XYLB: variants seen among roughly 807,000 people sequenced by gnomAD.
The protein encoded by XYLB is xylulose kinase.
XYLB carries 62 observed loss-of-function variants against 78.7 expected under a neutral mutation model. The ratio of observed to expected loss-of-function variants is 0.79; its 90% CI spans 0.64 to 0.97. XYLB has a LOEUF of 0.97. XYLB is among the 50% of genes least tolerant of loss of function. The probability of loss-of-function intolerance (pLI) is 0.00; values close to 1 mark genes in which losing one functional copy is unlikely to be tolerated. For missense variants in XYLB, 687 were observed against 676.8 expected (o/e 1.02, Z -0.17); for synonymous variants, 245 against 247.4 (o/e 0.99, Z 0.09).
intron 15 of XYLB, among the ~76,000 whole-genome samples, chr3:38,393,662 T>C (rs910307235): frequency 6.6e-6 from 1 of 152,200 alleles, no homozygotes; most frequent in Non-Finnish European, 1.5e-5. Flanking sequence ...TAATTTCTTC[T>C]TAGGCCTCTT....
Position 38,377,007 on chromosome 3 carries a change from G to C in XYLB, c.1194+16G>C. 3.7e-6 allele frequency: 6 copies of C among 1,609,520 alleles called. No homozygotes were observed. Among genetic ancestry groups the C allele is most frequent in the Admixed American group, 1.7e-5 (1 of 59,740 alleles). On this transcript the variant is annotated intron_variant, in intron 14 of 18. Transcript: ENST00000207870. ...AAACCACAAGGTACATGTGCTGTTG[G>C]TGTTGGAGTTACATTGGCTCCATTT...
downstream of XYLB, among the ~76,000 whole-genome samples, chr3:38,426,213 A>C (rs1236739263): frequency 6.6e-6 from 1 of 152,250 alleles, no homozygotes; most frequent in African/African-American, 2.4e-5. Context: ...GGAATTCCCA[A>C]ACTAATATAG....
At chr3:38,354,504 ATTT>A (rs547784678) in intron 2 of XYLB, among the ~76,000 whole-genome samples, 2 of 138,874 alleles carry the variant, frequency 1.4e-5, no homozygotes. Flanking sequence ...CAAATTGTTA[ATTT>A]TTTTTTTTTT....
intron 2 of XYLB, among the ~76,000 whole-genome samples, chr3:38,351,112 C>T (rs560045917): frequency 7.6e-5 from 10 of 131,096 alleles, no homozygotes; most frequent in African/African-American, 8.8e-5. Context: ...AGGGAGGTTT[C>T]GGTGAGCCAA....
chr3:38,445,526 G>A, the XYLB span, among the ~76,000 whole-genome samples: 1 of 152,212 alleles, frequency 6.6e-6, no homozygotes, highest in South Asian at 2.1e-4. Flanking sequence ...AGGAGGCAAG[G>A]GTCAGGATAG....
chr3:38,365,837 G>A (rs1223506634), intron 6 of XYLB, 101 bp downstream of exon 6: 3 of 1,442,172 alleles, frequency 2.1e-6, no homozygotes, highest in African/African-American at 1.4e-5. Context: ...GGTCATGGAG[G>A]TGTTGTGGAG....
At chr3:38,417,682 C>T (rs1007104580), downstream of XYLB, among the ~76,000 whole-genome samples, 3 of 151,980 alleles carry the variant, frequency 2.0e-5, no homozygotes, top group African/African-American at 7.2e-5. Context: ...GAGTTCAAGA[C>T]CAGCCTGGTC....
chr3:38,452,111 T>C, the XYLB span: 59 of 152,252 alleles, frequency 3.9e-4, no homozygotes, highest in Admixed American at 2.6e-4. Context: ...TCTATCACTG[T>C]GGCCTCCTGT....
chr3:38,397,823 CTT>C (rs71085321), intron 17 of XYLB, among the ~76,000 whole-genome samples: 5 of 138,616 alleles, frequency 3.6e-5, no homozygotes, highest in African/African-American at 2.6e-5. Context: ...TTTTTCTTTT[CTT>C]TTTTTTTTTT....
the XYLB span, among the ~76,000 whole-genome samples, chr3:38,439,338 C>T: frequency 1.3e-5 from 2 of 152,130 alleles, no homozygotes; most frequent in Admixed American, 6.5e-5. Flanking sequence ...TTGACAGCCT[C>T]GATCCTACAG....
the XYLB span, among the ~76,000 whole-genome samples, chr3:38,429,261 C>T: frequency 6.6e-6 from 1 of 152,142 alleles, no homozygotes; most frequent in Non-Finnish European, 1.5e-5. Flanking sequence ...CTTCCTTCTA[C>T]AGGTATTTAT....
At chr3:38,410,143 G>C (rs984892554) in intron 18 of XYLB, among the ~76,000 whole-genome samples, 2 of 152,124 alleles carry the variant, frequency 1.3e-5, no homozygotes, top group Non-Finnish European at 2.9e-5. Context: ...ATACTACAAG[G>C]CTACAGTAAT....
At chr3:38,357,532 A>G (rs1054646439) in intron 2 of XYLB, among the ~76,000 whole-genome samples, 4 of 151,802 alleles carry the variant, frequency 2.6e-5, no homozygotes, top group Non-Finnish European at 5.9e-5. Flanking sequence ...AACTACAGGC[A>G]CCCGCCACCA....
chr3:38,403,289 C>CA (rs35593230), intron 18 of XYLB, among the ~76,000 whole-genome samples: 59,533 of 126,300 alleles, frequency 0.47, 14,277 homozygotes, highest in Non-Finnish European at 0.6. Context: ...GACCCTGTCT[C>CA]AAAAAAAAAA....
downstream of XYLB, among the ~76,000 whole-genome samples, chr3:38,417,260 A>T (rs542058142): frequency 1.6e-4 from 25 of 152,082 alleles, no homozygotes; most frequent in Non-Finnish European, 2.9e-4. Context: ...ACATGGTGAA[A>T]CCCCATCTCT....
chr3:38,398,020 G>A (rs1330312161), intron 17 of XYLB, among the ~76,000 whole-genome samples: 1 of 151,174 alleles, frequency 6.6e-6, no homozygotes, highest in Non-Finnish European at 1.5e-5. Flanking sequence ...GGGTTTCACT[G>A]TGTTAGCCAG....
intron 15 of XYLB, among the ~76,000 whole-genome samples, chr3:38,389,598 G>A (rs138456180): frequency 1.1e-4 from 16 of 149,872 alleles, no homozygotes; most frequent in African/African-American, 3.0e-4. Context: ...CCTCCCTCCC[G>A]GACGGGGCGG....
downstream of XYLB, among the ~76,000 whole-genome samples, chr3:38,426,338 A>G (rs565759977): frequency 2.3e-4 from 35 of 152,318 alleles, no homozygotes; most frequent in African/African-American, 7.2e-4. Flanking sequence ...AATACTTCTG[A>G]TTTTTGCATT....
intron 18 of XYLB, among the ~76,000 whole-genome samples, chr3:38,403,889 T>C (rs1328634956): frequency 1.3e-5 from 2 of 152,016 alleles, no homozygotes; most frequent in East Asian, 3.9e-4. Flanking sequence ...TGGATCCAAA[T>C]GTAACCTCAA....
Sources: allele counts gnomAD v4.1 joint callset (sites outside exome capture counted in the v4.1 genomes callset), GRCh38; gene constraint gnomAD v4.1.1; transcripts MANE v1.5; gene names NCBI Gene and HGNC (gene_info 2026-07-23, HGNC 2026-07-21).